The following IBTK variants were observed in gnomAD, a reference collection of about 807,000 sequenced individuals.
IBTK encodes BTK-binding protein.
In IBTK, 83 loss-of-function variants were observed where a neutral mutation model predicts 154.9. The ratio of observed to expected loss-of-function variants is 0.54; its 90% CI spans 0.45 to 0.64. The LOEUF (loss-of-function observed/expected upper bound fraction) is 0.64. Among genes scored for constraint, IBTK ranks in the 30% least tolerant of loss-of-function variants. The pLI is 0.00. For missense variants in IBTK, 1,332 were observed against 1,584.6 expected, an observed-to-expected ratio of 0.84 and a Z score of 2.71; for synonymous variants, 515 against 536.1, an observed-to-expected ratio of 0.96 and a Z score of 0.54.
intron 10 of IBTK, among the ~76,000 whole-genome samples, chr6:82,217,420 A>G (rs1163749946): frequency 6.6e-6 from 1 of 152,138 alleles, no homozygotes; most frequent in Non-Finnish European, 1.5e-5. Context: ...ATATTTACAT[A>G]CATGTCTATT....
intron 9 of IBTK, among the ~76,000 whole-genome samples, chr6:82,219,010 T>C (rs934294987): frequency 6.6e-6 from 1 of 152,230 alleles, no homozygotes; most frequent in Admixed American, 6.5e-5. Flanking sequence ...TCCATTTCAA[T>C]GTAAGTGATA....
At chr6:82,245,536 G>A (rs922892803) in intron 1 of IBTK, among the ~76,000 whole-genome samples, 5 of 151,960 alleles carry the variant, frequency 3.3e-5, no homozygotes, top group Admixed American at 1.3e-4. Context: ...CAGCCTGAGC[G>A]ACTGAGCGAG....
intron 9 of IBTK, among the ~76,000 whole-genome samples, chr6:82,219,054 C>G (rs1769974680): frequency 6.6e-6 from 1 of 151,976 alleles, no homozygotes; most frequent in Admixed American, 6.6e-5. Context: ...TTTTTATACT[C>G]AACTCTTTTA....
At chr6:82,233,721 T>TTG (rs1218539554) in intron 3 of IBTK, among the ~76,000 whole-genome samples, 6 of 148,606 alleles carry the variant, frequency 4.0e-5, no homozygotes, top group African/African-American at 1.5e-4. Flanking sequence ...GTTTTTTTTT[T>TTG]TTTTTTTTTT....
intron 6 of IBTK, among the ~76,000 whole-genome samples, chr6:82,224,536 G>A (rs1004643714): frequency 6.6e-6 from 1 of 152,212 alleles, no homozygotes; most frequent in Admixed American, 6.5e-5. Context: ...TTCTAAATTA[G>A]ATATTTCCAT....
chr6:82,245,369 G>C (rs1431681673), intron 1 of IBTK, among the ~76,000 whole-genome samples: 1 of 151,998 alleles, frequency 6.6e-6, no homozygotes, highest in African/African-American at 2.4e-5. Flanking sequence ...AATCAGCCTG[G>C]GCAACATGGT....
At chr6:82,203,247 A>G (rs1238652338) in intron 17 of IBTK, among the ~76,000 whole-genome samples, 1 of 152,120 alleles carries the variant, frequency 6.6e-6, no homozygotes, top group African/African-American at 2.4e-5. Context: ...TTCTGGATTT[A>G]GTTACAATTG....
rs765592139 is a variant in IBTK at position 82,171,384 on chromosome 6, A to C, written c.*41T>G. ...TCCACAGCTTTTCTTTATATGAACA[A>C]ACTCATAATTATGTAAAATGCATCT... On this transcript the variant is annotated 3_prime_UTR_variant, in exon 29 of 29. Transcript: ENST00000306270. 6.4e-7 allele frequency: 1 copy of C among 1,558,570 alleles called. No individual in the cohort carries two copies. Among genetic ancestry groups the C allele is most frequent in the Admixed American group, 1.9e-5 (1 of 52,872 alleles).
chr6:82,200,380 C>G (rs776353500), intron 20 of IBTK, 127 bp from the exon 21 acceptor site: 32 of 756,226 alleles, frequency 4.2e-5, no homozygotes, highest in Non-Finnish European at 6.6e-5. Context: ...ATGTGTTAGA[C>G]CTACAGATAT....
At chr6:82,237,553 C>T (rs887679943) in intron 2 of IBTK, among the ~76,000 whole-genome samples, 11 of 49,804 alleles carry the variant, frequency 2.2e-4, no homozygotes, top group South Asian at 9.1e-4. Context: ...GTAGTAGTAG[C>T]AGCAGCAGCA....
intron 26 of IBTK, among the ~76,000 whole-genome samples, chr6:82,177,464 G>A (rs1768162676): frequency 1.3e-5 from 2 of 152,156 alleles, no homozygotes; most frequent in African/African-American, 2.4e-5. Context: ...CCAGGCTGGA[G>A]TGCAATGGCA....
intron 8 of IBTK, among the ~76,000 whole-genome samples, chr6:82,221,147 C>A (rs1470934336): frequency 1.3e-5 from 2 of 151,998 alleles, no homozygotes; most frequent in Non-Finnish European, 2.9e-5. Context: ...GCCAAAATAG[C>A]AAAACCCTAG....
At chr6:82,221,801 A>G (rs954818313) in intron 8 of IBTK, among the ~76,000 whole-genome samples, 17 of 152,230 alleles carry the variant, frequency 1.1e-4, no homozygotes, top group African/African-American at 4.1e-4. Flanking sequence ...AAACCTATTT[A>G]GTCAGTTTTA....
intron 26 of IBTK, among the ~76,000 whole-genome samples, chr6:82,176,429 G>C (rs1026236600): frequency 1.3e-5 from 2 of 149,912 alleles, no homozygotes; most frequent in East Asian, 2.0e-4. Context: ...GCTGAGGCTA[G>C]AGAATCACTT....
At chr6:82,227,119 TA>T (rs1178497052) in intron 5 of IBTK, 72 bp downstream of exon 5, 1 of 998,532 alleles carries the variant, frequency 1.0e-6, no homozygotes, top group Non-Finnish European at 1.5e-6. Flanking sequence ...AAAAAAAATT[TA>T]GTTAATTAAA....
rs368353238 is a variant in IBTK at position 82,200,669 on chromosome 6, C to G, written c.2830G>C (p.Asp944His). The change falls in exon 20 of 29, where the codon GAT (aspartate) becomes CAT (histidine). Residue 944 changes from aspartate (D) to histidine (H), a missense_variant. Transcript: ENST00000306270. Reference protein sequence around the residue: ...MDRRVITPYQDGPDISYLEVE... With the variant: ...MDRRVITPYQHGPDISYLEVE... ...TCCAAATAGCTAATATCTGGTCCAT[C>G]TTGATATGGTGTAATGACTCTTCTA... The G allele has an allele frequency of 1.9e-6, 3 of 1,591,372 alleles. No individual in the cohort carries two copies. Among genetic ancestry groups the G allele is most frequent in the Non-Finnish European group, 1.7e-6 (2 of 1,171,658 alleles).
intron 22 of IBTK, among the ~76,000 whole-genome samples, chr6:82,195,162 TTC>T (rs1177776051): frequency 6.6e-6 from 1 of 152,182 alleles, no homozygotes; most frequent in African/African-American, 2.4e-5. Flanking sequence ...GGATAGATTC[TTC>T]TGTTATTGTA....
Position 82,182,000 on chromosome 6 carries a change from T to G in IBTK, c.3604A>C (p.Lys1202Gln). 1 of 1,604,676 alleles carries G rather than the reference T, an allele frequency of 6.2e-7. No homozygotes were observed. The change falls in exon 26 of 29, where the codon AAG (lysine) becomes CAG (glutamine). Residue 1202 changes from lysine to glutamine, a missense_variant. Transcript: ENST00000306270. ...WASSLHSVSS[K>Q]SFRDFLLEEK... Reference sequence around the variant, plus strand: ...TCTAGTAAGAAATCCCGGAATGACTTGGATGAAACTGAATGCAGAGAAGAT... The same window carrying G: ...TCTAGTAAGAAATCCCGGAATGACTGGGATGAAACTGAATGCAGAGAAGAT...
At chr6:82,204,014 T>C (rs912266767) in intron 17 of IBTK, among the ~76,000 whole-genome samples, 11 of 152,066 alleles carry the variant, frequency 7.2e-5, no homozygotes, top group African/African-American at 2.7e-4. Context: ...GCAGAACAGA[T>C]ATAAGATTAG....
Sources: gnomAD v4.1 joint callset for allele counts (sites outside exome capture counted in the v4.1 genomes callset) on GRCh38, gnomAD v4.1.1 for gene constraint, MANE v1.5 for transcripts, NCBI Gene and HGNC (gene_info 2026-07-23, HGNC 2026-07-21) for gene names.